The following HEATR4 variants were observed in gnomAD, a reference collection of about 807,000 sequenced individuals.
The protein encoded by HEATR4 is HEAT repeat-containing protein 4.
In HEATR4, 95 loss-of-function variants were observed where a neutral mutation model predicts 108.8. The ratio of observed to expected loss-of-function variants is 0.87; its 90% confidence interval spans 0.74 to 1.04. The LOEUF (loss-of-function observed/expected upper bound fraction) is 1.04, where lower values mean the gene tolerates loss of function less well. HEATR4 is among the 50% of genes least tolerant of loss of function. HEATR4 has a pLI of 0.00. For missense variants in HEATR4, 1,152 were observed against 1,253.8 expected (o/e 0.92, Z 1.23); for synonymous variants, 443 against 459.4 (o/e 0.96, Z 0.46).
the HEATR4 span, among the ~76,000 whole-genome samples, chr14:73,624,425 C>T: frequency 7.2e-5 from 11 of 151,968 alleles, no homozygotes; most frequent in South Asian, 2.1e-4. Flanking sequence ...CAACGCGCCC[C>T]GCCCAAAAAA....
Position 73,522,956 on chromosome 14 carries a change from A to G in HEATR4, c.197T>C (p.Met66Thr), listed in dbSNP as rs200488186. 3.1e-6 allele frequency: 5 copies of G among 1,614,234 alleles called. No individual in the cohort carries two copies. The African/African-American group carries it at 6.7e-5, about 22-fold the overall frequency. ...RLHRKSQYLK[M>T]AAANLTFSQE... is the part of the protein sequence containing the mutation. ...AGAGAAGGTAAGGTTTGCAGCAGCC[A>G]TTTTCAAATATTGGCTCTTGCGGTG... Residue 66 changes from methionine (M) to threonine (T), a missense_variant, in exon 3 of 18, where the codon ATG becomes ACG. By Grantham distance (81) the Met-to-Thr change is moderately conservative (BLOSUM62 -1). Coordinates refer to ENST00000553558, the MANE Select transcript of HEATR4 (RefSeq NM_001220484.1).
Position 73,539,617 on chromosome 14 carries a change from G to A in HEATR4, c.-151-9373C>T, listed in dbSNP as rs1192512141. ...ACCCATGGGCCACTTTATCCACCAG[G>A]TCCGGCAGCAGGGTGAGGTACTGCT... is the stretch of plus-strand genomic sequence containing the variant. On this transcript the variant is annotated intron_variant, in intron 1 of 17. Coordinates refer to ENST00000553558, the MANE Select transcript of HEATR4 (RefSeq NM_001220484.1). 3 of 116,820 alleles carry A rather than the reference G, an allele frequency of 2.6e-5. 1 individual carries two copies. The highest frequency in any genetic ancestry group is 3.8e-5 in the Non-Finnish European group (2 of 53,286). 7.2% of individuals were successfully genotyped at this position (116,820 alleles called of 1,614,324 possible). A position where few individuals can be genotyped will look rare whatever the true frequency, so the allele number is the denominator to read the frequency against.
chr14:73,500,597 G>T lies in HEATR4; in HGVS notation c.2239C>A (p.Arg747=), dbSNP rs754322974. The change falls in exon 12 of 18, where the codon CGG becomes AGG. Residue 747 remains arginine, a synonymous_variant. Coordinates refer to ENST00000553558, the MANE Select transcript of HEATR4 (RefSeq NM_001220484.1). ...GCACCAGCTGCCAAACAGGCTGCCC[G>T]CCGAACTGCTGTGAAGTCATCAGAG... ...CFSDDFTAVR[R]AACLAAGALQ... 3.7e-6 allele frequency: 6 copies of T among 1,613,946 alleles called. No homozygotes were observed. Among genetic ancestry groups the T allele is most frequent in the Non-Finnish European group, 4.2e-6 (5 of 1,179,992 alleles).
At chr14:73,506,915 C>T (rs1476816874) in intron 9 of HEATR4, among the ~76,000 whole-genome samples, 2 of 148,748 alleles carry the variant, frequency 1.3e-5, no homozygotes, top group East Asian at 4.1e-4. Flanking sequence ...ATTCTGTTGC[C>T]TCAGCCTCCC....
In HEATR4 at chr14:73,535,310, G is replaced by A. The variant is rs2140308524; in HGVS notation, c.-151-5066C>T. On this transcript the variant is annotated intron_variant, in intron 1 of 17. Transcript: ENST00000553558. The stretch of plus-strand genomic sequence containing the variant: ...ATTTTTGCATAGATTGCCATGAAAA[G>A]GTCATACCAGTTTATATATCCACCA... Among the ~76,000 whole-genome samples, 2 of 112,862 alleles carry A rather than the reference G, an allele frequency of 1.8e-5. 1 individual carries two copies. Among genetic ancestry groups the A allele is most frequent in the Non-Finnish European group, 3.8e-5 (2 of 52,142 alleles). 74.0% of individuals were successfully genotyped at this position (112,862 alleles called of 152,430 possible). A position where few individuals can be genotyped will look rare whatever the true frequency, so the allele number is the denominator to read the frequency against.
At chr14:73,593,698 C>G in the HEATR4 span, 19 of 1,599,778 alleles carry the variant, frequency 1.2e-5, no homozygotes, top group Middle Eastern at 1.9e-4. Context: ...ATTTTGTTCT[C>G]TAGGACCTGG....
the HEATR4 span, among the ~76,000 whole-genome samples, chr14:73,633,319 T>G: frequency 1.1e-4 from 16 of 152,268 alleles, no homozygotes; most frequent in Non-Finnish European, 1.6e-4. Context: ...AGTTCCACTT[T>G]CTGAATGAAA....
At chr14:73,589,992 C>T in the HEATR4 span, among the ~76,000 whole-genome samples, 4 of 152,138 alleles carry the variant, frequency 2.6e-5, no homozygotes, top group Non-Finnish European at 5.9e-5. Flanking sequence ...TGCGGACCTT[C>T]GCAATGAGTG....
At chr14:73,505,660 T>C (rs1886761607) in intron 10 of HEATR4, among the ~76,000 whole-genome samples, 1 of 152,050 alleles carries the variant, frequency 6.6e-6, no homozygotes, top group South Asian at 2.1e-4. Flanking sequence ...CCCAAAGTGC[T>C]GGCATTACAG....
chr14:73,519,135 A>G lies in HEATR4; in HGVS notation c.1098T>C (p.Gly366=). 6.2e-7 allele frequency: 1 copy of G among 1,613,666 alleles called. No homozygotes were observed. The highest frequency in any genetic ancestry group is 1.3e-5 in the African/African-American group (1 of 74,990). The stretch of plus-strand genomic sequence containing the variant: ...CCAGGACAATCTGGTCTCTCTTTGC[A>G]CCAATCTGGTGGATGATCTGGACTT... ...FDEVQIIHQI[G]AKRDQIVLEN... The change falls in exon 5 of 18, where the codon GGT becomes GGC. Residue 366 remains glycine, a synonymous_variant. Transcript: ENST00000553558.
the HEATR4 span, chr14:73,617,082 G>C: frequency 6.6e-7 from 1 of 1,509,238 alleles, no homozygotes; most frequent in Non-Finnish European, 9.2e-7. Context: ...ACATGGTTTT[G>C]CTGTGCTTGC....
At chr14:73,572,100 T>A in the HEATR4 span, among the ~76,000 whole-genome samples, 2 of 144,134 alleles carry the variant, frequency 1.4e-5, no homozygotes, top group African/African-American at 5.2e-5. Context: ...GGGCAACAAT[T>A]TGTCTTAACT....
chr14:73,605,652 C>T, the HEATR4 span, among the ~76,000 whole-genome samples: 1 of 144,016 alleles, frequency 6.9e-6, no homozygotes, highest in Non-Finnish European at 1.5e-5. Flanking sequence ...CTCACTGCAA[C>T]CTCCATCTCC....
At chr14:73,517,282 A>G (rs1887664085) in intron 5 of HEATR4, 1 of 152,194 alleles carries the variant, frequency 6.6e-6, no homozygotes, top group East Asian at 1.9e-4. Context: ...ACTAGTCTGA[A>G]ACTGCTAGGC....
chr14:73,582,611 T>C, the HEATR4 span: 9 of 152,024 alleles, frequency 5.9e-5, no homozygotes, highest in South Asian at 4.2e-4. Flanking sequence ...ATTATAATAG[T>C]AGAAGACAGC....
chr14:73,507,765 CAG>C (rs1424105293), intron 9 of HEATR4, among the ~76,000 whole-genome samples: 2 of 151,860 alleles, frequency 1.3e-5, no homozygotes, highest in South Asian at 2.1e-4. Context: ...TTGTTTGAGA[CAG>C]AGTCTTGCTC....
chr14:73,559,578 A>G (rs1357465609), upstream of HEATR4, among the ~76,000 whole-genome samples: 1 of 151,738 alleles, frequency 6.6e-6, no homozygotes, highest in East Asian at 1.9e-4. Context: ...AAAAATAGAA[A>G]ATTTAAAAAG....
upstream of HEATR4, among the ~76,000 whole-genome samples, chr14:73,559,305 G>A (rs1197401458): frequency 6.6e-6 from 1 of 151,700 alleles, no homozygotes; most frequent in Non-Finnish European, 1.5e-5. Context: ...TTTTAGTAGA[G>A]ATGGGGTTTC....
chr14:73,509,852 A>ATT (rs1887113558), intron 7 of HEATR4, among the ~76,000 whole-genome samples: 12 of 60,048 alleles, frequency 2.0e-4, no homozygotes, highest in African/African-American at 7.7e-4. Context: ...ATATATATAT[A>ATT]TATATATATA....
Sources: gnomAD v4.1 joint callset for allele counts (sites outside exome capture counted in the v4.1 genomes callset) on GRCh38, gnomAD v4.1.1 for gene constraint, MANE v1.5 for transcripts, NCBI Gene and HGNC (gene_info 2026-07-23, HGNC 2026-07-21) for gene names.